Variants in ADGRL4 observed in about 807,000 individuals in gnomAD.
ADGRL4 encodes the protein EGF, latrophilin and seven transmembrane domain containing 1.
A neutral mutation model predicts 74.8 loss-of-function variants in ADGRL4; 90 were observed. That is an observed-to-expected ratio of 1.20 (90% CI 1.02 to 1.43). The LOEUF is 1.43. ADGRL4 is among the 40% of genes most tolerant of loss of function. The pLI is 0.00. For synonymous variants in ADGRL4, 311 were observed against 279.2 expected, an observed-to-expected ratio of 1.11 and a Z score of -1.14; for missense variants, 881 against 814.3, an observed-to-expected ratio of 1.08 and a Z score of -1.00.
At chr1:78,981,169 A>T (rs1436022788) in intron 2 of ADGRL4, among the ~76,000 whole-genome samples, 1 of 151,914 alleles carries the variant, frequency 6.6e-6, no homozygotes, top group African/African-American at 2.4e-5. Flanking sequence ...TTTCCCCCAA[A>T]GCAGTCATAT....
rs1171522251 is a variant in ADGRL4, at chr1:78,937,913, C to T, written c.654G>A (p.Arg218=). Residue 218 remains arginine (R), a synonymous_variant, in exon 6 of 15, where the codon AGG becomes AGA. Coordinates refer to ENST00000370742, the MANE Select transcript of ADGRL4 (RefSeq NM_022159.4). ...VVWDKLSVNH[R]RTHLTKLMHT... ...GCATGAGTTTTGTAAGATGTGTTCT[C>T]CTATGATTCACAGATAACTTGTCCC... The T allele has an allele frequency of 1.2e-6, 2 of 1,613,926 alleles. No individual in the cohort carries two copies. The highest frequency in any genetic ancestry group is 1.7e-6 in the Non-Finnish European group (2 of 1,179,898).
At chr1:78,935,085 C>A (rs1649325191) in intron 7 of ADGRL4, among the ~76,000 whole-genome samples, 1 of 152,150 alleles carries the variant, frequency 6.6e-6, no homozygotes, top group South Asian at 2.1e-4. Flanking sequence ...AATCATTCTA[C>A]TATAAATACA....
chr1:79,000,560 T>C (rs1650820068), intron 2 of ADGRL4, among the ~76,000 whole-genome samples: 1 of 152,174 alleles, frequency 6.6e-6, no homozygotes, highest in African/African-American at 2.4e-5. Flanking sequence ...TATATACTGA[T>C]GGAATGTGTA....
At chr1:78,909,250 A>C (rs1423135135) in intron 12 of ADGRL4, among the ~76,000 whole-genome samples, 2 of 152,006 alleles carry the variant, frequency 1.3e-5, no homozygotes, top group Non-Finnish European at 2.9e-5. Flanking sequence ...TAATGTGGAC[A>C]TCTAAAGTAC....
chr1:78,999,713 G>A (rs577504755), intron 2 of ADGRL4, among the ~76,000 whole-genome samples: 11 of 152,142 alleles, frequency 7.2e-5, no homozygotes, highest in Admixed American at 2.6e-4. Context: ...ACAAGCTCTA[G>A]GAAAACCATA....
intron 10 of ADGRL4, among the ~76,000 whole-genome samples, chr1:78,918,544 T>C (rs1648933559): frequency 6.6e-6 from 1 of 151,906 alleles, no homozygotes; most frequent in Non-Finnish European, 1.5e-5. Flanking sequence ...TTCATCAAAA[T>C]ATCCATTACA....
At chr1:78,955,130 T>A (rs1414158227) in intron 2 of ADGRL4, among the ~76,000 whole-genome samples, 1 of 152,118 alleles carries the variant, frequency 6.6e-6, no homozygotes, top group Non-Finnish European at 1.5e-5. Flanking sequence ...TTCAATTTGA[T>A]AGACAAAATA....
intron 2 of ADGRL4, among the ~76,000 whole-genome samples, chr1:78,956,242 C>A (rs984080149): frequency 6.6e-6 from 1 of 152,098 alleles, no homozygotes; most frequent in Non-Finnish European, 1.5e-5. Flanking sequence ...CTTGGTATAG[C>A]GCTGTAAACT....
chr1:78,978,055 C>G (rs1397955333), intron 2 of ADGRL4, among the ~76,000 whole-genome samples: 1 of 151,924 alleles, frequency 6.6e-6, no homozygotes, highest in Non-Finnish European at 1.5e-5. Flanking sequence ...CCACTCTGCT[C>G]TATCACCTCC....
intron 2 of ADGRL4, among the ~76,000 whole-genome samples, chr1:78,992,328 A>G (rs1001854673): frequency 1.3e-5 from 2 of 152,096 alleles, no homozygotes; most frequent in African/African-American, 4.8e-5. Context: ...TTGGTAATAT[A>G]AATTATGTAT....
chr1:78,894,391 A>T (rs1648350115), intron 12 of ADGRL4, among the ~76,000 whole-genome samples: 1 of 151,928 alleles, frequency 6.6e-6, no homozygotes, highest in South Asian at 2.1e-4. Context: ...ACTTCTAATT[A>T]TATGAGTAAT....
At chr1:78,928,681 A>G (rs1649169622) in intron 7 of ADGRL4, among the ~76,000 whole-genome samples, 1 of 151,564 alleles carries the variant, frequency 6.6e-6, no homozygotes, top group Non-Finnish European at 1.5e-5. Flanking sequence ...CAGTGCAAAT[A>G]ACTATGCTAA....
At chr1:78,952,291 C>T (rs975024226) in intron 2 of ADGRL4, among the ~76,000 whole-genome samples, 7 of 149,428 alleles carry the variant, frequency 4.7e-5, no homozygotes, top group African/African-American at 1.7e-4. Context: ...CCTTGTAAAA[C>T]AGGCCCTCTG....
intron 1 of ADGRL4, 78 bp downstream of exon 1, chr1:79,006,555 A>G: frequency 6.7e-7 from 1 of 1,492,578 alleles, no homozygotes; most frequent in South Asian, 1.2e-5. Flanking sequence ...TGTGAGCTCC[A>G]CCTCTTAAAA....
rs1337281901 is a variant in ADGRL4, at chr1:78,938,246, G to C, written c.430C>G (p.Gln144Glu). The C allele has an allele frequency of 2.5e-6, 4 of 1,605,714 alleles. No individual in the cohort carries two copies. The highest frequency in any genetic ancestry group is 1.3e-5 in the African/African-American group (1 of 74,444). The change falls in exon 5 of 15, where the codon CAA becomes GAA. Residue 144 changes from glutamine to glutamate, a missense_variant. Gln to Glu is a conservative substitution (Grantham distance 29). Transcript: ENST00000370742. The stretch of plus-strand genomic sequence containing the variant: ...GTCACAGAATTTCTATAGACTTCTT[G>C]TAGCAAAGCCACAGGTTCTTTTATG... Reference protein sequence around the residue: ...RSIKEPVALLQEVYRNSVTDL... With the variant: ...RSIKEPVALLEEVYRNSVTDL...
chr1:78,940,873 A>C (rs933135818), intron 3 of ADGRL4, among the ~76,000 whole-genome samples: 2 of 152,196 alleles, frequency 1.3e-5, no homozygotes, highest in African/African-American at 4.8e-5. Flanking sequence ...CACACCACCA[A>C]AACTGAAAAT....
At chr1:78,928,834 T>C (rs1436181177) in intron 7 of ADGRL4, among the ~76,000 whole-genome samples, 1 of 151,580 alleles carries the variant, frequency 6.6e-6, no homozygotes, top group Non-Finnish European at 1.5e-5. Flanking sequence ...ATTACTGTGG[T>C]CCAAGCACAA....
chr1:78,962,891 C>A (rs1649983350), intron 2 of ADGRL4, among the ~76,000 whole-genome samples: 1 of 151,988 alleles, frequency 6.6e-6, no homozygotes, highest in Non-Finnish European at 1.5e-5. Flanking sequence ...AATAGGGTGC[C>A]AATCTACTTG....
chr1:78,996,153 T>A (rs1315962739), intron 2 of ADGRL4, among the ~76,000 whole-genome samples: 1 of 152,190 alleles, frequency 6.6e-6, no homozygotes, highest in African/African-American at 2.4e-5. Flanking sequence ...GATGTAGAAA[T>A]GGGAACTGAA....
Sources: gnomAD v4.1 joint callset for allele counts (sites outside exome capture counted in the v4.1 genomes callset) on GRCh38, gnomAD v4.1.1 for gene constraint, MANE v1.5 for transcripts, NCBI Gene and HGNC (gene_info 2026-07-23, HGNC 2026-07-21) for gene names.